BBS9: variants seen among roughly 807,000 people sequenced by gnomAD.
BBS9 encodes Bardet-Biedl syndrome 9.
Under a neutral mutation model 117.7 loss-of-function variants are expected in BBS9, and 89 were observed. The ratio of observed to expected loss-of-function variants is 0.76; its 90% CI spans 0.64 to 0.90. BBS9 has a LOEUF of 0.90. BBS9 is among the 40% of genes least tolerant of loss of function. The pLI is 0.00. For synonymous variants in BBS9, 379 were observed against 370.9 expected (o/e 1.02, Z -0.25); for missense variants, 982 against 1,042.2 (o/e 0.94, Z 0.80).
chr7:33,161,960 A>G (rs1794929396), intron 4 of BBS9, among the ~76,000 whole-genome samples: 1 of 152,026 alleles, frequency 6.6e-6, no homozygotes, highest in Non-Finnish European at 1.5e-5. Flanking sequence ...CCACTTGTTG[A>G]TGGAATTGTT....
At chr7:33,615,600 G>A (rs1865091183) in intron 21 of BBS9, among the ~76,000 whole-genome samples, 1 of 152,008 alleles carries the variant, frequency 6.6e-6, no homozygotes, top group East Asian at 1.9e-4. Context: ...CTACAGAGAT[G>A]TAACTTACAC....
intron 5 of BBS9, among the ~76,000 whole-genome samples, chr7:33,232,409 A>G (rs549361246): frequency 6.6e-5 from 10 of 152,288 alleles, no homozygotes; most frequent in African/African-American, 2.2e-4. Flanking sequence ...TAAGTCAAGT[A>G]CTGTTGAAAA....
intron 19 of BBS9, among the ~76,000 whole-genome samples, chr7:33,504,849 T>A (rs1845923930): frequency 7.3e-6 from 1 of 137,898 alleles, no homozygotes; most frequent in African/African-American, 2.7e-5. Context: ...CACCCTGAAC[T>A]TTTTTTTTTT....
chr7:33,491,269 T>C (rs1415848874), intron 19 of BBS9, among the ~76,000 whole-genome samples: 1 of 152,178 alleles, frequency 6.6e-6, no homozygotes, highest in African/African-American at 2.4e-5. Flanking sequence ...ACACTATTGA[T>C]TAGATAACTT....
chr7:33,190,373 C>T (rs999262559), intron 5 of BBS9, among the ~76,000 whole-genome samples: 3 of 152,102 alleles, frequency 2.0e-5, no homozygotes, highest in East Asian at 1.9e-4. Context: ...TAAATGTTAC[C>T]GTCAAAAATC....
chr7:33,227,118 A>G (rs1197846978), intron 5 of BBS9, among the ~76,000 whole-genome samples: 3 of 152,126 alleles, frequency 2.0e-5, no homozygotes, highest in African/African-American at 7.2e-5. Context: ...TGTGTCAAGA[A>G]TGATAATATA....
chr7:33,359,906 G>A (rs996830958), intron 16 of BBS9, among the ~76,000 whole-genome samples: 4 of 151,996 alleles, frequency 2.6e-5, no homozygotes, highest in African/African-American at 7.2e-5. Context: ...AAGGAAAAAA[G>A]TGAATGTTAC....
At chr7:33,584,650 C>A (rs1168260886) in intron 21 of BBS9, among the ~76,000 whole-genome samples, 1 of 151,944 alleles carries the variant, frequency 6.6e-6, no homozygotes, top group East Asian at 1.9e-4. Flanking sequence ...ATTTCTGGAT[C>A]AAGTTATCTT....
chr7:33,471,164 C>T (rs1840977024), intron 19 of BBS9, among the ~76,000 whole-genome samples: 1 of 152,178 alleles, frequency 6.6e-6, no homozygotes, highest in African/African-American at 2.4e-5. Context: ...CTTATCCAAG[C>T]TGTTTCTCCT....
At chr7:33,383,974 CG>C (rs1470620146) in intron 18 of BBS9, 136 bp downstream of exon 18, 1 of 922,822 alleles carries the variant, frequency 1.1e-6, no homozygotes, top group African/African-American at 1.7e-5. Flanking sequence ...TGGTGGATTT[CG>C]TGAATCCATT....
At chr7:33,608,465 G>C (rs1007401372), downstream of BBS9, among the ~76,000 whole-genome samples, 1 of 152,176 alleles carries the variant, frequency 6.6e-6, no homozygotes, top group South Asian at 2.1e-4. Context: ...CCAAACTGCT[G>C]TCTACAGTGG....
intron 21 of BBS9, among the ~76,000 whole-genome samples, chr7:33,575,149 C>T (rs988427229): frequency 6.4e-4 from 97 of 151,956 alleles, no homozygotes; most frequent in Non-Finnish European, 1.9e-4. Flanking sequence ...AAAAGATATT[C>T]CAACCTCTCC....
At chr7:33,262,965 A>G (rs1798206197) in intron 6 of BBS9, among the ~76,000 whole-genome samples, 2 of 152,184 alleles carry the variant, frequency 1.3e-5, no homozygotes, top group South Asian at 4.1e-4. Flanking sequence ...AGCTGTCTGT[A>G]TATGAGTCTC....
At chr7:33,147,094 A>G (rs1792522201) in intron 2 of BBS9, among the ~76,000 whole-genome samples, 1 of 152,226 alleles carries the variant, frequency 6.6e-6, no homozygotes, top group African/African-American at 2.4e-5. Context: ...GGTAGAAAAC[A>G]ATTGTTAAAT....
At chr7:33,631,081 T>C (rs961345801) in intron 21 of BBS9, among the ~76,000 whole-genome samples, 1 of 152,068 alleles carries the variant, frequency 6.6e-6, no homozygotes, top group Non-Finnish European at 1.5e-5. Flanking sequence ...TGTTTTTTGT[T>C]GGAAAGTGGG....
chr7:33,635,478 T>G (rs914671206), exon 22 of BBS9, among the ~76,000 whole-genome samples: 2 of 152,232 alleles, frequency 1.3e-5, no homozygotes, highest in Non-Finnish European at 2.9e-5. Flanking sequence ...CCCAAGGCCC[T>G]GGAACCAGCC....
intron 20 of BBS9, among the ~76,000 whole-genome samples, chr7:33,531,704 G>T (rs1850604886): frequency 6.6e-6 from 1 of 152,174 alleles, no homozygotes; most frequent in South Asian, 2.1e-4. Context: ...TATTCTGCAT[G>T]CCTCTGGAGG....
At chr7:33,515,788 T>C (rs1027074980) in intron 20 of BBS9, among the ~76,000 whole-genome samples, 1 of 152,248 alleles carries the variant, frequency 6.6e-6, no homozygotes, top group African/African-American at 2.4e-5. Context: ...GGATGTATTT[T>C]CTTGTCTCAC....
At chr7:33,176,615 A>C (rs1005809388) in intron 4 of BBS9, among the ~76,000 whole-genome samples, 2 of 152,232 alleles carry the variant, frequency 1.3e-5, no homozygotes, top group African/African-American at 2.4e-5. Context: ...TAAATTTATA[A>C]ATAAATAAGT....
Sources: allele counts gnomAD v4.1 joint callset (sites outside exome capture counted in the v4.1 genomes callset), GRCh38; gene constraint gnomAD v4.1.1; transcripts MANE v1.5; gene names NCBI Gene and HGNC (gene_info 2026-07-23, HGNC 2026-07-21).